The following TASP1 variants were observed in gnomAD, a reference collection of about 807,000 sequenced individuals.
The protein encoded by TASP1 is taspase 1, also known as threonine aspartase 1.
A neutral mutation model predicts 56.6 loss-of-function variants in TASP1; 16 were observed. The observed-to-expected ratio is 0.28, with a 90% confidence interval of 0.19 to 0.43. TASP1 has a LOEUF of 0.43. Among genes scored for constraint, TASP1 ranks in the 20% least tolerant of loss-of-function variants. TASP1 has a pLI of 1.00. For missense variants in TASP1, 393 were observed against 511.6 expected, an observed-to-expected ratio of 0.77 and a Z score of 2.24; for synonymous variants, 179 against 184.2, an observed-to-expected ratio of 0.97 and a Z score of 0.23.
intron 7 of TASP1, among the ~76,000 whole-genome samples, chr20:13,564,191 C>A (rs962428410): frequency 2.6e-5 from 4 of 152,180 alleles, no homozygotes; most frequent in East Asian, 1.9e-4. Context: ...CAACCCCGTC[C>A]CCCAACACAA....
chr20:13,613,810 C>T (rs2048432160), intron 4 of TASP1, among the ~76,000 whole-genome samples: 2 of 151,910 alleles, frequency 1.3e-5, no homozygotes, highest in Admixed American at 6.6e-5. Context: ...CAGAGTTAGC[C>T]ACAAAACACT....
intron 12 of TASP1, among the ~76,000 whole-genome samples, chr20:13,422,606 T>C (rs142230212): frequency 2.6e-5 from 4 of 152,332 alleles, no homozygotes; most frequent in Non-Finnish European, 1.5e-5. Flanking sequence ...ATGCACATTT[T>C]TCCCCATGAG....
At chr20:13,562,248 T>C (rs1362325839) in intron 7 of TASP1, among the ~76,000 whole-genome samples, 2 of 151,914 alleles carry the variant, frequency 1.3e-5, no homozygotes, top group Admixed American at 6.6e-5. Context: ...ACTTACAAAG[T>C]ACATCAAAAG....
intron 4 of TASP1, among the ~76,000 whole-genome samples, chr20:13,620,666 T>A (rs2048681974): frequency 6.6e-6 from 1 of 152,216 alleles, no homozygotes; most frequent in South Asian, 2.1e-4. Context: ...TGTTCAATAA[T>A]CCAGACATGA....
At chr20:13,232,760 C>T in the TASP1 span, among the ~76,000 whole-genome samples, 1 of 152,152 alleles carries the variant, frequency 6.6e-6, no homozygotes, top group Non-Finnish European at 1.5e-5. Flanking sequence ...TCCAGGTACT[C>T]CCTTGGAAAA....
chr20:13,372,383 T>A, the TASP1 span, among the ~76,000 whole-genome samples: 1 of 152,172 alleles, frequency 6.6e-6, no homozygotes, highest in Non-Finnish European at 1.5e-5. Flanking sequence ...ATCTTCAGAC[T>A]ATAACCGTAT....
At chr20:13,260,480 A>G in the TASP1 span, among the ~76,000 whole-genome samples, 1 of 152,254 alleles carries the variant, frequency 6.6e-6, no homozygotes, top group African/African-American at 2.4e-5. Flanking sequence ...GATAGAGAGA[A>G]AGGAGAAGAT....
chr20:13,477,309 G>A (rs1048948384), intron 11 of TASP1, among the ~76,000 whole-genome samples: 7 of 151,938 alleles, frequency 4.6e-5, no homozygotes, highest in East Asian at 1.9e-4. Flanking sequence ...TTTTAAAATC[G>A]TAATACTATA....
At chr20:13,499,515 T>G (rs1420408763) in intron 10 of TASP1, among the ~76,000 whole-genome samples, 1 of 151,320 alleles carries the variant, frequency 6.6e-6, no homozygotes, top group Non-Finnish European at 1.5e-5. Flanking sequence ...AAGGCAAAGC[T>G]GTTAGTTACT....
intron 4 of TASP1, among the ~76,000 whole-genome samples, chr20:13,596,955 C>A (rs185788378): frequency 4.7e-4 from 71 of 152,268 alleles, no homozygotes; most frequent in African/African-American, 1.6e-3. Flanking sequence ...AATTCCTGGA[C>A]ACACATACCC....
At chr20:13,403,316 C>T (rs2041806745) in intron 13 of TASP1, among the ~76,000 whole-genome samples, 1 of 152,140 alleles carries the variant, frequency 6.6e-6, no homozygotes, top group South Asian at 2.1e-4. Context: ...ATTCAGGTGG[C>T]ATCACTCTTG....
the TASP1 span, among the ~76,000 whole-genome samples, chr20:13,223,925 A>G: frequency 6.6e-6 from 1 of 152,174 alleles, no homozygotes; most frequent in African/African-American, 2.4e-5. Context: ...TGCTATCATT[A>G]GAATAACCCG....
At chr20:13,350,152 A>T in the TASP1 span, among the ~76,000 whole-genome samples, 1 of 152,202 alleles carries the variant, frequency 6.6e-6, no homozygotes, top group Non-Finnish European at 1.5e-5. Context: ...AAACAAAAAC[A>T]AAAACAAGAT....
chr20:13,359,707 C>G, the TASP1 span, among the ~76,000 whole-genome samples: 48 of 151,966 alleles, frequency 3.2e-4, no homozygotes, highest in African/African-American at 1.1e-3. Context: ...TCCCCACCTG[C>G]CCAGTTCCCT....
the TASP1 span, among the ~76,000 whole-genome samples, chr20:13,160,813 T>C: frequency 6.6e-6 from 1 of 152,332 alleles, no homozygotes; most frequent in South Asian, 2.1e-4. Flanking sequence ...ACAGAATGAA[T>C]GAATCTTGAA....
chr20:13,189,488 G>A, the TASP1 span, among the ~76,000 whole-genome samples: 10 of 152,038 alleles, frequency 6.6e-5, no homozygotes, highest in Non-Finnish European at 8.8e-5. Context: ...AAAAGTGGGC[G>A]AAGGACATAA....
intron 11 of TASP1, among the ~76,000 whole-genome samples, chr20:13,472,839 T>C (rs985824515): frequency 1.4e-5 from 2 of 147,100 alleles, no homozygotes; most frequent in East Asian, 1.9e-4. Context: ...GAAACAACAG[T>C]TGTTGGAGAG....
the TASP1 span, among the ~76,000 whole-genome samples, chr20:13,106,422 G>A: frequency 6.6e-6 from 1 of 152,164 alleles, no homozygotes; most frequent in Non-Finnish European, 1.5e-5. Context: ...GGACACCAAG[G>A]AGGAAGCCCT....
chr20:13,415,052 A>T (rs1344980978), intron 13 of TASP1, among the ~76,000 whole-genome samples: 2 of 152,178 alleles, frequency 1.3e-5, no homozygotes, highest in African/African-American at 4.8e-5. Context: ...AATTTTTGAA[A>T]ACAAGGGCAC....
Sources: allele counts gnomAD v4.1 joint callset (sites outside exome capture counted in the v4.1 genomes callset), GRCh38; gene constraint gnomAD v4.1.1; transcripts MANE v1.5; gene names NCBI Gene and HGNC (gene_info 2026-07-23, HGNC 2026-07-21).